The following ASCC3 variants were observed in gnomAD, a reference collection of about 807,000 sequenced individuals.
ASCC3 encodes the protein activating signal cointegrator 1 complex subunit 3.
A neutral mutation model predicts 256.3 loss-of-function variants in ASCC3; 158 were observed. The ratio of observed to expected loss-of-function variants is 0.62; its 90% CI spans 0.54 to 0.70. ASCC3 has a LOEUF of 0.70. ASCC3 is among the 30% of genes least tolerant of loss of function. The pLI, the probability that ASCC3 is intolerant of heterozygous loss-of-function variation, is 0.00. For missense variants in ASCC3, 2,259 were observed against 2,626.0 expected (o/e 0.86, Z 3.05); for synonymous variants, 948 against 883.4 (o/e 1.07, Z -1.30).
chr6:100,832,134 G>A (rs569142859), intron 4 of ASCC3, among the ~76,000 whole-genome samples: 2 of 151,860 alleles, frequency 1.3e-5, no homozygotes, highest in Non-Finnish European at 2.9e-5. Context: ...ATGACAGAAA[G>A]GCATTATTTT....
At chr6:100,804,058 T>C (rs564080466) in intron 5 of ASCC3, among the ~76,000 whole-genome samples, 1 of 152,278 alleles carries the variant, frequency 6.6e-6, no homozygotes, top group South Asian at 2.1e-4. Flanking sequence ...TAAGTTTTGT[T>C]CCCTAGCCAA....
At chr6:100,789,341 T>C (rs993905290) in intron 8 of ASCC3, among the ~76,000 whole-genome samples, 24 of 151,916 alleles carry the variant, frequency 1.6e-4, no homozygotes, top group African/African-American at 5.8e-4. Context: ...AACTGGAGAC[T>C]CAAAGGATGG....
intron 16 of ASCC3, among the ~76,000 whole-genome samples, chr6:100,660,231 A>G (rs551388964): frequency 5.6e-4 from 85 of 151,788 alleles, no homozygotes; most frequent in African/African-American, 2.0e-3. Flanking sequence ...GAGTTTGAAT[A>G]CTAGTTTCAA....
At chr6:100,723,451 G>A (rs1172832358) in intron 11 of ASCC3, among the ~76,000 whole-genome samples, 1 of 151,576 alleles carries the variant, frequency 6.6e-6, no homozygotes, top group Non-Finnish European at 1.5e-5. Context: ...TCATTGAACT[G>A]AGAGCTTTGT....
chr6:100,616,561 C>T (rs1477599034), intron 30 of ASCC3, among the ~76,000 whole-genome samples: 1 of 152,146 alleles, frequency 6.6e-6, no homozygotes, highest in Admixed American at 6.5e-5. Flanking sequence ...ATCTCCCATA[C>T]CCTTCTAATT....
In ASCC3 at chr6:100,512,859, C is replaced by T. The variant is rs147694095; in HGVS notation, c.6135G>A (p.Ser2045=). The change falls in exon 40 of 42, where the codon TCG becomes TCA. Residue 2045 remains serine, a synonymous_variant. Transcript: ENST00000369162. The stretch of plus-strand genomic sequence containing the variant: ...TATGTCCTTCAACTAAGTCATCCCA[C>T]GAGCCTTTAACACTTATGCCAACAT... ...VINVGISVKG[S]WDDLVEGHNE... 6.2e-5 allele frequency: 100 copies of T among 1,613,864 alleles called. No homozygotes were observed. The highest frequency in any genetic ancestry group is 1.6e-4 in the Middle Eastern group (1 of 6,084).
At chr6:100,798,650 T>G in intron 8 of ASCC3, 63 bp downstream of exon 8, 1 of 1,604,452 alleles carries the variant, frequency 6.2e-7, no homozygotes. Flanking sequence ...TTTTCCAGTA[T>G]AAATTCATTC....
intron 8 of ASCC3, among the ~76,000 whole-genome samples, chr6:100,770,778 G>C (rs542476374): frequency 1.3e-5 from 2 of 151,310 alleles, no homozygotes; most frequent in Non-Finnish European, 2.9e-5. Flanking sequence ...AAAAGAGATG[G>C]GAAAGACCTG....
chr6:100,625,004 T>A (rs558788498), intron 30 of ASCC3, among the ~76,000 whole-genome samples, 188 bp downstream of exon 30: 1 of 151,920 alleles, frequency 6.6e-6, no homozygotes, highest in Admixed American at 6.6e-5. Context: ...ATTATAAATA[T>A]GAATATACAA....
chr6:100,868,770 G>A (rs186638141), intron 1 of ASCC3, among the ~76,000 whole-genome samples: 1 of 152,174 alleles, frequency 6.6e-6, no homozygotes, highest in African/African-American at 2.4e-5. Context: ...ATGAAGAAAA[G>A]GCAAAAATGG....
intron 4 of ASCC3, among the ~76,000 whole-genome samples, chr6:100,838,591 C>T (rs1771990528): frequency 6.6e-6 from 1 of 151,982 alleles, no homozygotes; most frequent in African/African-American, 2.4e-5. Context: ...ACTTAATCTA[C>T]ACAACAATTT....
intron 13 of ASCC3, among the ~76,000 whole-genome samples, chr6:100,703,176 T>G (rs955792981): frequency 4.6e-5 from 7 of 152,032 alleles, no homozygotes; most frequent in Non-Finnish European, 1.0e-4. Context: ...TTCAAATAAT[T>G]GTGTAGAATA....
At chr6:100,530,157 G>A in intron 37 of ASCC3, 1 of 588,490 alleles carries the variant, frequency 1.7e-6, no homozygotes, top group Middle Eastern at 3.3e-4. Flanking sequence ...CTATGTGCAT[G>A]TGTGTGAGAT....
intron 36 of ASCC3, among the ~76,000 whole-genome samples, chr6:100,540,707 T>C (rs573168534): frequency 6.6e-6 from 1 of 152,224 alleles, no homozygotes; most frequent in African/African-American, 2.4e-5. Context: ...ATAAAAAAAT[T>C]ATATAAAGTG....
At chr6:100,788,227 T>G (rs1392220937) in intron 8 of ASCC3, among the ~76,000 whole-genome samples, 7 of 151,988 alleles carry the variant, frequency 4.6e-5, no homozygotes, top group Non-Finnish European at 1.0e-4. Flanking sequence ...CTCAACATTA[T>G]TAGTCATTAA....
chr6:100,871,241 A>G (rs1247863687), intron 1 of ASCC3, among the ~76,000 whole-genome samples: 1 of 151,850 alleles, frequency 6.6e-6, no homozygotes, highest in Non-Finnish European at 1.5e-5. Context: ...GATTACAGGT[A>G]CGCACCACCA....
chr6:100,683,086 C>T (rs1777385696), intron 13 of ASCC3, among the ~76,000 whole-genome samples: 1 of 152,104 alleles, frequency 6.6e-6, no homozygotes, highest in Non-Finnish European at 1.5e-5. Flanking sequence ...ATAAATAAAA[C>T]CACCACTACA....
intron 4 of ASCC3, among the ~76,000 whole-genome samples, chr6:100,819,602 C>T (rs897892898): frequency 2.0e-5 from 3 of 151,658 alleles, no homozygotes; most frequent in Non-Finnish European, 4.4e-5. Flanking sequence ...TCCAAGAGTC[C>T]AAAAGCTGAA....
chr6:100,656,792 T>C (rs1324629223), intron 16 of ASCC3, among the ~76,000 whole-genome samples: 2 of 151,168 alleles, frequency 1.3e-5, no homozygotes, highest in African/African-American at 4.8e-5. Context: ...AAGGTACTTA[T>C]TTTACTTTAA....
Sources: allele counts gnomAD v4.1 joint callset (sites outside exome capture counted in the v4.1 genomes callset), GRCh38; gene constraint gnomAD v4.1.1; transcripts MANE v1.5; gene names NCBI Gene and HGNC (gene_info 2026-07-23, HGNC 2026-07-21).